Variants in SFSWAP observed in about 807,000 individuals in gnomAD.
SFSWAP encodes the protein splicing factor SWAP.
A neutral mutation model predicts 100.7 loss-of-function variants in SFSWAP; 17 were observed. The observed-to-expected ratio is 0.17, with a 90% CI of 0.12 to 0.25. The LOEUF is 0.25. SFSWAP is among the 10% of genes least tolerant of loss of function. The pLI is 1.00. For synonymous variants in SFSWAP, 504 were observed against 510.1 expected (o/e 0.99, Z 0.16); for missense variants, 1,005 against 1,262.6 (o/e 0.80, Z 3.09).
At chr12:131,747,770 G>A (rs1047489032) in intron 7 of SFSWAP, among the ~76,000 whole-genome samples, 3 of 152,198 alleles carry the variant, frequency 2.0e-5, no homozygotes, top group Admixed American at 1.3e-4. Context: ...GAAATCAGGG[G>A]CTCTGTTCTG....
intron 11 of SFSWAP, chr12:131,757,867 A>G (rs1882320894): frequency 1.3e-5 from 2 of 152,266 alleles, no homozygotes; most frequent in Non-Finnish European, 2.9e-5. Context: ...AAAGGAATGT[A>G]ATAAGTAGAG....
chr12:131,786,625 G>T lies in SFSWAP; in HGVS notation c.2534+37G>T, dbSNP rs768985158. ...GGTGTGCACGCAGGTGCTGGATGTGGGCCAGGTTTCCCTGGGTGGAAAGGG... is the reference window on the plus strand; with the variant it reads ...GGTGTGCACGCAGGTGCTGGATGTGTGCCAGGTTTCCCTGGGTGGAAAGGG... On this transcript the variant is annotated intron_variant, in intron 15 of 17. Transcript: ENST00000261674. 4 of 1,566,224 alleles carry T rather than the reference G, an allele frequency of 2.6e-6. No individual in the cohort carries two copies. In the African/African-American group the frequency reaches 4.0e-5, roughly 16 times the overall value.
intron 16 of SFSWAP, among the ~76,000 whole-genome samples, chr12:131,798,049 A>G (rs1033405256): frequency 6.6e-6 from 1 of 152,214 alleles, no homozygotes; most frequent in African/African-American, 2.4e-5. Context: ...TAGAGTTAAA[A>G]TGTAAATCAG....
rs1377125928 is a variant in SFSWAP at position 131,753,344 on chromosome 12, TCCACAACCACCA to T, written c.1310_1321del (p.Thr437_Thr440del). Reference sequence around the variant, plus strand: ...AGCAGAGACTAGCAGCGGGGCCACCTCCACAACCACCACCACAAGGTAGGTGCAGCGTCCACC... The same window carrying T: ...AGCAGAGACTAGCAGCGGGGCCACCTCCACAAGGTAGGTGCAGCGTCCACC... On this transcript the variant is annotated inframe_deletion, in exon 8 of 18. Coordinates refer to ENST00000261674, the MANE Select transcript of SFSWAP (RefSeq NM_004592.4). The T allele has an allele frequency of 8.7e-6, 14 of 1,613,074 alleles. No individual in the cohort carries two copies. Among genetic ancestry groups the T allele is most frequent in the Non-Finnish European group, 1.1e-5 (13 of 1,179,330 alleles).
rs372337364 is a variant in SFSWAP at position 131,797,188 on chromosome 12, G to GAGA, written c.2558_2560dup (p.Lys853dup). The GAGA allele has an allele frequency of 2.5e-6, 4 of 1,608,634 alleles. No homozygotes were observed. The highest frequency in any genetic ancestry group is 1.1e-5 in the South Asian group (1 of 90,982). On this transcript the variant is annotated inframe_insertion, in exon 16 of 18. Transcript: ENST00000261674. ...ACTCTTGCCTTTCAGAAGTCCCCACGAGAAGAAGAAGAAGAGGCGGTCCCG... is the reference window on the plus strand; with the variant it reads ...ACTCTTGCCTTTCAGAAGTCCCCACGAGAAGAAGAAGAAGAAGAGGCGGTCCCG...
In SFSWAP at chr12:131,711,480, C is replaced by T. The variant is rs555118505; in HGVS notation, c.218+33C>T. ...CCTCTCCCCACCCGTCGATCCTTCC[C>T]TTCCCTCACCCGCTTGATCTCGTCT... On this transcript the variant is annotated intron_variant, in intron 1 of 17. Coordinates refer to ENST00000261674, the MANE Select transcript of SFSWAP (RefSeq NM_004592.4). The surrounding 1 kb of genome is among the most constrained non-coding windows in gnomAD (Gnocchi z 4.9). 5.2e-6 allele frequency: 8 copies of T among 1,535,784 alleles called. No homozygotes were observed. Among genetic ancestry groups the T allele is most frequent in the East Asian group, 2.2e-5 (1 of 44,450 alleles).
At chr12:131,738,206 T>A (rs150930982) in intron 7 of SFSWAP, among the ~76,000 whole-genome samples, 1 of 152,360 alleles carries the variant, frequency 6.6e-6, no homozygotes, top group East Asian at 1.9e-4. Flanking sequence ...ATATTTTTCC[T>A]GCACATCATG....
intron 16 of SFSWAP, among the ~76,000 whole-genome samples, chr12:131,798,323 A>C (rs1885821958): frequency 6.6e-6 from 1 of 151,924 alleles, no homozygotes; most frequent in Non-Finnish European, 1.5e-5. Flanking sequence ...AATAATGATA[A>C]AATGTACATC....
chr12:131,724,288 T>C (rs1374397787), intron 4 of SFSWAP, among the ~76,000 whole-genome samples: 1 of 152,228 alleles, frequency 6.6e-6, no homozygotes, highest in Admixed American at 6.5e-5. Context: ...TACTATGAAG[T>C]GATCATTAAT....
intron 4 of SFSWAP, among the ~76,000 whole-genome samples, chr12:131,721,217 G>C (rs896767655): frequency 9.9e-5 from 15 of 152,108 alleles, no homozygotes; most frequent in African/African-American, 4.8e-5. Context: ...CTCCCACCAG[G>C]CACTGCCTCC....
rs1435628786 is a variant in SFSWAP, at chr12:131,778,826, CT to C, written c.2408+500del. ...AGCCACCGCGCAGGCCTATACTTAA[CT>C]TTTCAAAGTTCATAAACTACTGCCA... is the stretch of plus-strand genomic sequence containing the variant. On this transcript the variant is annotated intron_variant, in intron 14 of 17. Transcript: ENST00000261674. The surrounding 1 kb of genome is among the most constrained non-coding windows in gnomAD (Gnocchi z 4.2). 6.6e-6 allele frequency among the ~76,000 whole-genome samples: 1 copy of C among 152,078 alleles called. No individual in the cohort carries two copies. The highest frequency in any genetic ancestry group is 1.5e-5 in the Non-Finnish European group (1 of 68,026).
At chr12:131,754,278 G>T in intron 8 of SFSWAP, 90 bp from the exon 9 acceptor site, 1 of 972,646 alleles carries the variant, frequency 1.0e-6, no homozygotes, top group Non-Finnish European at 1.5e-6. Context: ...GTCTCTCCGG[G>T]CATCTGAGGC....
intron 1 of SFSWAP, chr12:131,712,962 C>A (rs1593101814): frequency 6.6e-6 from 1 of 152,250 alleles, no homozygotes; most frequent in Middle Eastern, 3.4e-3. Flanking sequence ...TAATAATAAT[C>A]TACATTTGTA....
chr12:131,740,026 T>C (rs1355236211), intron 7 of SFSWAP, among the ~76,000 whole-genome samples: 2 of 152,216 alleles, frequency 1.3e-5, no homozygotes, highest in African/African-American at 4.8e-5. Flanking sequence ...TTGACCTTTA[T>C]GTGAACAGGA....
intron 5 of SFSWAP, 91 bp from the exon 6 acceptor site, chr12:131,726,848 GA>G: frequency 7.4e-6 from 6 of 806,490 alleles, no homozygotes; most frequent in Non-Finnish European, 1.3e-5. Flanking sequence ...AGATAACCAA[GA>G]TAACTTGGCT....
chr12:131,736,454 A>G (rs978952721), intron 7 of SFSWAP, among the ~76,000 whole-genome samples: 1 of 152,232 alleles, frequency 6.6e-6, no homozygotes, highest in African/African-American at 2.4e-5. Flanking sequence ...TTACAATCAA[A>G]TAGGAAAAAA....
chr12:131,743,814 C>T (rs1880880690), intron 7 of SFSWAP, among the ~76,000 whole-genome samples: 1 of 152,248 alleles, frequency 6.6e-6, no homozygotes, highest in South Asian at 2.1e-4. Context: ...CTGCCACAAA[C>T]TTCTGCCTGG....
At chr12:131,791,353 C>T (rs1030360093) in intron 15 of SFSWAP, among the ~76,000 whole-genome samples, 19 of 152,000 alleles carry the variant, frequency 1.3e-4, no homozygotes, top group African/African-American at 4.6e-4. Context: ...CGTGCCACTG[C>T]ACTCCAGCCT....
chr12:131,793,263 G>A (rs1443364910), intron 15 of SFSWAP, among the ~76,000 whole-genome samples: 1 of 151,666 alleles, frequency 6.6e-6, no homozygotes, highest in Non-Finnish European at 1.5e-5. Flanking sequence ...TTTTTATTGT[G>A]TGTAGAGACA....
Sources: allele counts gnomAD v4.1 joint callset (sites outside exome capture counted in the v4.1 genomes callset), GRCh38; gene constraint gnomAD v4.1.1; non-coding constraint Gnocchi (gnomAD v3.1); transcripts MANE v1.5; gene names NCBI Gene and HGNC (gene_info 2026-07-23, HGNC 2026-07-21).